The following SSPN variants were observed in gnomAD, a reference collection of about 807,000 sequenced individuals.
The protein encoded by SSPN is sarcospan.
SSPN carries 15 observed loss-of-function variants against 19.1 expected under a neutral mutation model. The ratio of observed to expected loss-of-function variants is 0.78; its 90% CI spans 0.52 to 1.21. SSPN has a LOEUF of 1.21. Ranked by LOEUF, SSPN falls within the 50% of genes most tolerant of loss-of-function variation. The pLI, the probability that SSPN is intolerant of heterozygous loss-of-function variation, is 0.00. For missense variants in SSPN, 291 were observed against 314.0 expected (o/e 0.93, Z 0.55); for synonymous variants, 147 against 140.3 (o/e 1.05, Z -0.34).
intron 1 of SSPN, among the ~76,000 whole-genome samples, chr12:26,145,072 T>A (rs2137409413): frequency 6.6e-6 from 1 of 152,304 alleles, no homozygotes; most frequent in South Asian, 2.1e-4. Context: ...GTGAGAGATT[T>A]TTGGTCTATG....
intron 1 of SSPN, among the ~76,000 whole-genome samples, chr12:26,160,233 T>C (rs560274161): frequency 1.3e-5 from 2 of 152,364 alleles, no homozygotes; most frequent in Non-Finnish European, 2.9e-5. Flanking sequence ...TGACTCTGTC[T>C]ATGATATTTA....
chr12:26,165,457 A>G (rs967031306), intron 1 of SSPN, among the ~76,000 whole-genome samples: 1 of 152,190 alleles, frequency 6.6e-6, no homozygotes, highest in Admixed American at 6.5e-5. Context: ...TCGATTTTGC[A>G]CTTATGGCCT....
intron 1 of SSPN, among the ~76,000 whole-genome samples, chr12:26,131,375 G>A (rs868204335): frequency 6.6e-6 from 1 of 152,222 alleles, no homozygotes; most frequent in African/African-American, 2.4e-5. Flanking sequence ...GGAAATGATT[G>A]TCTGTCTTTT....
intron 1 of SSPN, among the ~76,000 whole-genome samples, chr12:26,223,843 G>A (rs1945148455): frequency 6.6e-6 from 1 of 152,172 alleles, no homozygotes; most frequent in South Asian, 2.1e-4. Flanking sequence ...TTTCTTTCAA[G>A]GACCATTTCA....
chr12:26,145,967 T>A (rs1444143196), intron 1 of SSPN, among the ~76,000 whole-genome samples: 1 of 152,198 alleles, frequency 6.6e-6, no homozygotes, highest in Non-Finnish European at 1.5e-5. Context: ...ACCCTGTTCC[T>A]GTTCCTATGT....
At chr12:26,124,960 ACACACACACG>A (rs200855945) in intron 1 of SSPN, 12,196 of 682,480 alleles carry the variant, frequency 0.018, 167 homozygotes, top group Middle Eastern at 0.042. Context: ...CCGCGCTCGC[ACACACACACG>A]CACACACACG....
At chr12:26,193,295 T>A (rs1944800222), upstream of SSPN, among the ~76,000 whole-genome samples, 1 of 152,242 alleles carries the variant, frequency 6.6e-6, no homozygotes, top group African/African-American at 2.4e-5. Flanking sequence ...AGTTCACATC[T>A]GGTTCCACTT....
At chr12:26,208,632 A>T (rs1211248285) in intron 1 of SSPN, among the ~76,000 whole-genome samples, 1 of 151,998 alleles carries the variant, frequency 6.6e-6, no homozygotes, top group Non-Finnish European at 1.5e-5. Context: ...AGTTTAAAGA[A>T]ATTTTTCCCT....
chr12:26,193,382 A>G (rs1944800893), upstream of SSPN, among the ~76,000 whole-genome samples: 1 of 152,202 alleles, frequency 6.6e-6, no homozygotes, highest in African/African-American at 2.4e-5. Context: ...TTCATCTTTA[A>G]AAGTGGAAAC....
In SSPN at chr12:26,195,625, C is replaced by T; in HGVS notation, c.-48C>T. ...CCAGCCGTGCGCCGCGCTCCAGGGCCCAGGGCGCCGCACACGCACCCACCC... is the reference window on the plus strand; with the variant it reads ...CCAGCCGTGCGCCGCGCTCCAGGGCTCAGGGCGCCGCACACGCACCCACCC... On this transcript the variant is annotated 5_prime_UTR_variant, in exon 1 of 3. Coordinates refer to ENST00000242729, the MANE Select transcript of SSPN (RefSeq NM_005086.5). 7.3e-7 allele frequency: 1 copy of T among 1,367,690 alleles called. No individual in the cohort carries two copies. Among genetic ancestry groups the T allele is most frequent in the Non-Finnish European group, 9.4e-7 (1 of 1,068,940 alleles). The allele number at this position is 1,367,690 out of a possible 1,614,324, so 84.7% of individuals were successfully genotyped here.
At chr12:26,190,134 C>T (rs1365301349) in intron 1 of SSPN, among the ~76,000 whole-genome samples, 2 of 152,198 alleles carry the variant, frequency 1.3e-5, no homozygotes, top group East Asian at 3.9e-4. Context: ...CCTTTAATAC[C>T]CTTTGATATT....
intron 1 of SSPN, among the ~76,000 whole-genome samples, chr12:26,196,497 C>T (rs2137457594): frequency 6.6e-6 from 1 of 152,320 alleles, no homozygotes; most frequent in Admixed American, 6.5e-5. Context: ...GCAAGCACAG[C>T]CTTAATCCAC....
At chr12:26,145,004 A>G (rs1871553) in intron 1 of SSPN, among the ~76,000 whole-genome samples, 125,622 of 152,186 alleles carry the variant, frequency 0.83, 55,182 homozygotes, top group Non-Finnish European at 0.97. Context: ...TAGCATTGTT[A>G]TATTACGACT....
chr12:26,193,655 G>A (rs999764191), upstream of SSPN, among the ~76,000 whole-genome samples: 1 of 152,186 alleles, frequency 6.6e-6, no homozygotes, highest in African/African-American at 2.4e-5. Flanking sequence ...TTATTTGTCT[G>A]TTCACAATAG....
chr12:26,148,737 T>C (rs1170943094), intron 1 of SSPN, among the ~76,000 whole-genome samples: 1 of 152,216 alleles, frequency 6.6e-6, no homozygotes, highest in Non-Finnish European at 1.5e-5. Context: ...TGAAATTCTC[T>C]CAGTTGTGCT....
At chr12:26,158,409 C>T (rs1372266799) in intron 1 of SSPN, among the ~76,000 whole-genome samples, 1 of 152,144 alleles carries the variant, frequency 6.6e-6, no homozygotes, top group African/African-American at 2.4e-5. Context: ...CCTAGCCTGC[C>T]CAAGTTCTGT....
At chr12:26,126,125 G>C (rs1361210706) in intron 1 of SSPN, 2 of 152,328 alleles carry the variant, frequency 1.3e-5, no homozygotes, top group Non-Finnish European at 2.9e-5. Context: ...CGCTCGCCCT[G>C]CAGCCGCGGC....
rs1208333582 is a variant in SSPN at position 26,232,935 on chromosome 12, A to T, written c.*1859A>T. 2.4e-4 allele frequency: 1 copy of T among 4,140 alleles called. No homozygotes were observed. The highest frequency in any genetic ancestry group is 4.9e-3 in the Admixed American group (1 of 204). The allele number at this position is 4,140 out of a possible 1,614,324, so 0.3% of individuals were successfully genotyped here. A position where few individuals can be genotyped will look rare whatever the true frequency, so the allele number is the denominator to read the frequency against. ...CCTGTAAAATACCTTGTGCCCTATTAAAAAAAAAAAAAAAAAAAAAGCCAG... is the reference window on the plus strand; with the variant it reads ...CCTGTAAAATACCTTGTGCCCTATTTAAAAAAAAAAAAAAAAAAAAGCCAG... On this transcript the variant is annotated 3_prime_UTR_variant, in exon 3 of 3. Coordinates refer to ENST00000242729, the MANE Select transcript of SSPN (RefSeq NM_005086.5).
At chr12:26,146,173 T>C (rs560395793) in intron 1 of SSPN, among the ~76,000 whole-genome samples, 1 of 152,300 alleles carries the variant, frequency 6.6e-6, no homozygotes, top group South Asian at 2.1e-4. Context: ...GGGCAGGTGG[T>C]GGTGGTTCAC....
Sources: gnomAD v4.1 joint callset for allele counts (sites outside exome capture counted in the v4.1 genomes callset) on GRCh38, gnomAD v4.1.1 for gene constraint, MANE v1.5 for transcripts, NCBI Gene and HGNC (gene_info 2026-07-23, HGNC 2026-07-21) for gene names.